DYSF: variants seen among roughly 807,000 people sequenced by gnomAD.
The protein encoded by DYSF is dysferlin, also known as dystrophy-associated fer-1-like 1.
In DYSF, 212 loss-of-function variants were observed where a neutral mutation model predicts 274.9. That is an observed-to-expected ratio of 0.77 (90% CI 0.69 to 0.86). DYSF has a LOEUF of 0.86. DYSF is among the 40% of genes least tolerant of loss of function. The probability of loss-of-function intolerance (pLI) is 0.00; values close to 1 mark genes in which losing one functional copy is unlikely to be tolerated. For synonymous variants in DYSF, 1,091 were observed against 1,078.7 expected, an observed-to-expected ratio of 1.01 and a Z score of -0.22; for missense variants, 2,666 against 2,783.2, an observed-to-expected ratio of 0.96 and a Z score of 0.95.
intron 11 of DYSF, among the ~76,000 whole-genome samples, chr2:71,520,489 G>C (rs759761138): frequency 4.6e-5 from 7 of 152,198 alleles, no homozygotes; most frequent in Non-Finnish European, 7.3e-5. Context: ...GGTCATTTGG[G>C]TGACAAGCCA....
rs1257653992 is a variant in DYSF, at chr2:71,679,089, A to G, written c.5917A>G (p.Lys1973Glu). 5.6e-6 allele frequency: 9 copies of G among 1,613,912 alleles called. No individual in the cohort carries two copies. The highest frequency in any genetic ancestry group is 7.6e-6 in the Non-Finnish European group (9 of 1,179,930). Residue 1973 changes from lysine (K) to glutamate (E), a missense_variant, in exon 53 of 56, where the codon AAG (lysine) becomes GAG (glutamate). Lys to Glu is a moderately conservative substitution (Grantham distance 56). Coordinates refer to ENST00000410020, the MANE Select transcript of DYSF (RefSeq NM_001130987.2). The stretch of plus-strand genomic sequence containing the variant: ...GCAGCTCGATCTCAACCGCATGCCC[A>G]AGCCAGCCAAGACAGCCAAGAAGTG... ...SLQLDLNRMP[K>E]PAKTAKKCSL...
In DYSF at chr2:71,513,254, CG is replaced by C; in HGVS notation, c.478del (p.Ala160ProfsTer99). The C allele has an allele frequency of 6.4e-7, 1 of 1,551,578 alleles. No homozygotes were observed. Among genetic ancestry groups the C allele is most frequent in the South Asian group, 1.2e-5 (1 of 84,054 alleles). ...LDVVAGGGQS[R>X]AETWSLLSDS... ...CCACAAGACAGGCGGGGGACAGAGC[CG>C]GGCCGAGACTTGGTCCCTGCTCAGT... On this transcript the variant is annotated frameshift_variant, in exon 6 of 56. Transcript: ENST00000410020. LOFTEE classifies it high-confidence loss of function.
chr2:71,649,586 A>G (rs956853463), intron 42 of DYSF, among the ~76,000 whole-genome samples: 1 of 152,204 alleles, frequency 6.6e-6, no homozygotes, highest in African/African-American at 2.4e-5. Flanking sequence ...AATGTATATA[A>G]ATACTAGAAC....
At chr2:71,573,627 C>T (rs1574092836) in intron 29 of DYSF, among the ~76,000 whole-genome samples, 2 of 152,150 alleles carry the variant, frequency 1.3e-5, no homozygotes, top group Non-Finnish European at 2.9e-5. Flanking sequence ...AGACCCACTA[C>T]AGGATGTGAA....
At chr2:71,468,464 C>T (rs551930973) in intron 1 of DYSF, among the ~76,000 whole-genome samples, 43 of 152,278 alleles carry the variant, frequency 2.8e-4, no homozygotes, top group Admixed American at 6.5e-4. Context: ...GCCCTTGAGT[C>T]GGGAAGATGA....
In DYSF at chr2:71,568,247, G is replaced by T. The variant is rs2092226553; in HGVS notation, c.2773G>T (p.Val925Phe). ...TGLTYPKFSDVTGKIKLPKDS... is the reference protein window; with the variant it reads ...TGLTYPKFSDFTGKIKLPKDS... ...CCTCACCTACCCCAAGTTTTCTGAC[G>T]TCACGGGCAAGATCAAGCTACCCAA... The change falls in exon 26 of 56, where the codon GTC becomes TTC. Residue 925 changes from valine (V) to phenylalanine (F), a missense_variant. By Grantham distance (50) the Val-to-Phe change is conservative. Around this residue, in one of 3 missense-constraint regions of DYSF, gnomAD observed 412 missense variants for 504.0 expected, o/e 0.82. Coordinates refer to ENST00000410020, the MANE Select transcript of DYSF (RefSeq NM_001130987.2). 1.2e-6 allele frequency: 2 copies of T among 1,614,210 alleles called. No homozygotes were observed. The highest frequency in any genetic ancestry group is 8.5e-7 in the Non-Finnish European group (1 of 1,180,038).
intron 17 of DYSF, among the ~76,000 whole-genome samples, chr2:71,539,638 T>C (rs1241999521): frequency 1.3e-5 from 2 of 152,180 alleles, no homozygotes; most frequent in Admixed American, 6.5e-5. Context: ...AGAAATAATC[T>C]GAAAGAATAT....
At chr2:71,455,521 A>G (rs753327355) in intron 1 of DYSF, among the ~76,000 whole-genome samples, 1 of 152,138 alleles carries the variant, frequency 6.6e-6, no homozygotes, top group Non-Finnish European at 1.5e-5. Context: ...AGGACATGGG[A>G]GTCTTTCATG....
At chr2:71,671,746 TGTG>T (rs1395353957) in intron 51 of DYSF, among the ~76,000 whole-genome samples, 2 of 152,072 alleles carry the variant, frequency 1.3e-5, no homozygotes, top group Non-Finnish European at 1.5e-5. Context: ...GGGACCCAGT[TGTG>T]GTTGCTGATT....
At position 71,676,410 on chromosome 2, in the gene DYSF, C is replaced by T. The variant is rs147183561; in HGVS notation, c.5884+2114C>T. On this transcript the variant is annotated intron_variant, in intron 52 of 55. Transcript: ENST00000410020. The stretch of plus-strand genomic sequence containing the variant: ...AGAACTTTAAAATATATTTATTATC[C>T]GTATTGTGGAATTTTCTTCATGGTT... Among the ~76,000 whole-genome samples the T allele has an allele frequency of 2.7e-3, 408 of 151,408 alleles. 5 individuals carry two copies. The highest frequency in any genetic ancestry group is 4.7e-3 in the Admixed American group (72 of 15,212).
intron 36 of DYSF, among the ~76,000 whole-genome samples, chr2:71,605,515 C>T (rs2093630746): frequency 6.6e-6 from 1 of 152,044 alleles, no homozygotes; most frequent in Non-Finnish European, 1.5e-5. Context: ...GTGATCCTGA[C>T]CATTTCGGGG....
chr2:71,653,335 ATGC>A (rs1234548148), intron 42 of DYSF, among the ~76,000 whole-genome samples: 1 of 152,172 alleles, frequency 6.6e-6, no homozygotes, highest in Non-Finnish European at 1.5e-5. Context: ...ATTATAAAAC[ATGC>A]TGCTATAAAG....
chr2:71,571,670 C>T (rs1358391941), intron 29 of DYSF, among the ~76,000 whole-genome samples: 1 of 142,246 alleles, frequency 7.0e-6, no homozygotes, highest in East Asian at 2.1e-4. Flanking sequence ...ACACCCAGCA[C>T]ACCCACAGAT....
intron 30 of DYSF, among the ~76,000 whole-genome samples, chr2:71,588,199 G>A (rs1327682596): frequency 6.6e-6 from 1 of 152,202 alleles, no homozygotes; most frequent in Non-Finnish European, 1.5e-5. Context: ...GTCGGATGGG[G>A]AAAGATAGGG....
At chr2:71,553,753 T>TCCC in intron 20 of DYSF, 54 bp from the exon 21 acceptor site, 28 of 567,474 alleles carry the variant, frequency 4.9e-5, no homozygotes, top group East Asian at 1.3e-4. Context: ...TAGCACCCCA[T>TCCC]CCCACCCGCC....
intron 4 of DYSF, among the ~76,000 whole-genome samples, chr2:71,504,981 C>T (rs1336881445): frequency 2.0e-5 from 3 of 152,188 alleles, no homozygotes; most frequent in Non-Finnish European, 4.4e-5. Context: ...CTTCACCAAC[C>T]GTGTCTCCAA....
At chr2:71,681,175 G>A in intron 54 of DYSF, 65 bp downstream of exon 54, 3 of 1,436,374 alleles carry the variant, frequency 2.1e-6, no homozygotes, top group Non-Finnish European at 2.9e-6. Flanking sequence ...AGTCCAGGAG[G>A]CATCCCATTG....
chr2:71,647,181 A>T (rs2094579914), intron 42 of DYSF, among the ~76,000 whole-genome samples: 2 of 152,206 alleles, frequency 1.3e-5, no homozygotes, highest in African/African-American at 2.4e-5. Flanking sequence ...CAACAAATAC[A>T]TAAGAAGATA....
intron 41 of DYSF, among the ~76,000 whole-genome samples, chr2:71,623,144 C>G (rs1037740680): frequency 6.6e-6 from 1 of 151,132 alleles, no homozygotes; most frequent in African/African-American, 2.4e-5. Flanking sequence ...AGTCGATTGG[C>G]TAATTGATAA....
Sources: allele counts gnomAD v4.1 joint callset (sites outside exome capture counted in the v4.1 genomes callset), GRCh38; gene constraint gnomAD v4.1.1; regional missense constraint gnomAD v4.1.1; transcripts MANE v1.5; gene names NCBI Gene and HGNC (gene_info 2026-07-23, HGNC 2026-07-21).